CHST11: variants seen among roughly 807,000 people sequenced by gnomAD.
CHST11 encodes the protein carbohydrate sulfotransferase 11, also known as C4S-1.
A neutral mutation model predicts 30.4 loss-of-function variants in CHST11; 9 were observed. The ratio of observed to expected loss-of-function variants is 0.30; its 90% CI spans 0.18 to 0.52. The LOEUF (loss-of-function observed/expected upper bound fraction) is 0.52. CHST11 is among the 20% of genes least tolerant of loss of function. The pLI is 0.97. For synonymous variants in CHST11, 152 were observed against 187.8 expected (o/e 0.81, Z 1.56); for missense variants, 348 against 460.6 (o/e 0.76, Z 2.24).
intron 1 of CHST11, among the ~76,000 whole-genome samples, chr12:104,523,560 G>T (rs1012310395): frequency 9.2e-5 from 14 of 152,216 alleles, no homozygotes; most frequent in African/African-American, 3.4e-4. Context: ...CCTTCAGCAA[G>T]TCATTGAACC....
chr12:104,681,107 G>A (rs772323294), intron 2 of CHST11, among the ~76,000 whole-genome samples: 2 of 152,214 alleles, frequency 1.3e-5, no homozygotes, highest in Non-Finnish European at 2.9e-5. Context: ...TTACCAGCCT[G>A]TTGTGGAGTA....
chr12:104,682,035 G>A (rs835478), intron 2 of CHST11, among the ~76,000 whole-genome samples: 79,016 of 151,510 alleles, frequency 0.52, 22,007 homozygotes, highest in Non-Finnish European at 0.63. Flanking sequence ...GGGTTTCACC[G>A]TTTTAGCCAA....
At chr12:104,636,172 C>A (rs967390230) in intron 2 of CHST11, among the ~76,000 whole-genome samples, 1 of 152,140 alleles carries the variant, frequency 6.6e-6, no homozygotes, top group Non-Finnish European at 1.5e-5. Flanking sequence ...CAGATCAGAT[C>A]CAAGCATTGG....
At chr12:104,480,577 CA>C (rs58063092) in intron 1 of CHST11, among the ~76,000 whole-genome samples, 11,025 of 112,506 alleles carry the variant, frequency 0.098, 611 homozygotes, top group African/African-American at 0.22. Flanking sequence ...GATTCCATCT[CA>C]AAAAAAAAAA....
intron 1 of CHST11, among the ~76,000 whole-genome samples, chr12:104,548,189 C>T (rs180730699): frequency 1.3e-4 from 20 of 152,260 alleles, no homozygotes; most frequent in African/African-American, 3.1e-4. Flanking sequence ...ACCTAATGCA[C>T]GGTGGCACAC....
intron 1 of CHST11, among the ~76,000 whole-genome samples, chr12:104,574,872 AAAAG>A (rs2038666664): frequency 4.0e-5 from 6 of 151,744 alleles, no homozygotes; most frequent in Admixed American, 3.9e-4. Context: ...AAAAAAGAAA[AAAAG>A]AAAGAAAAAG....
chr12:104,513,005 C>G (rs2037981177), intron 1 of CHST11, among the ~76,000 whole-genome samples: 1 of 151,908 alleles, frequency 6.6e-6, no homozygotes, highest in African/African-American at 2.4e-5. Flanking sequence ...ACATGAGATG[C>G]TTAGCTAGGT....
At chr12:104,704,006 T>G (rs1336066842) in intron 2 of CHST11, among the ~76,000 whole-genome samples, 3 of 152,200 alleles carry the variant, frequency 2.0e-5, no homozygotes, top group Non-Finnish European at 4.4e-5. Context: ...TCGTAGCTGA[T>G]TCTCCTTTTG....
chr12:104,637,587 T>A (rs2039338021), intron 2 of CHST11, among the ~76,000 whole-genome samples: 1 of 152,192 alleles, frequency 6.6e-6, no homozygotes, highest in Admixed American at 6.5e-5. Flanking sequence ...TCCTTCCTGT[T>A]GCACTTAGAA....
chr12:104,508,521 T>C (rs1347654180), intron 1 of CHST11, among the ~76,000 whole-genome samples: 4 of 152,194 alleles, frequency 2.6e-5, no homozygotes, highest in Non-Finnish European at 5.9e-5. Context: ...GTGCATCATA[T>C]CCAATAACTG....
intron 2 of CHST11, among the ~76,000 whole-genome samples, chr12:104,701,790 G>A (rs1223516316): frequency 2.0e-5 from 3 of 152,214 alleles, no homozygotes; most frequent in Non-Finnish European, 4.4e-5. Context: ...GCCGGTCTGT[G>A]TGTTCAATTC....
intron 1 of CHST11, among the ~76,000 whole-genome samples, chr12:104,508,994 TA>T (rs1159597191): frequency 6.6e-6 from 1 of 151,900 alleles, no homozygotes; most frequent in Non-Finnish European, 1.5e-5. Context: ...CCAGAATGAC[TA>T]TAATCCTTCA....
At chr12:104,533,741 T>G (rs2038208373) in intron 1 of CHST11, among the ~76,000 whole-genome samples, 1 of 152,172 alleles carries the variant, frequency 6.6e-6, no homozygotes, top group South Asian at 2.1e-4. Flanking sequence ...TCGGGGACAG[T>G]GGAAACGTAG....
chr12:104,743,349 C>G (rs1222323545), intron 2 of CHST11, among the ~76,000 whole-genome samples: 1 of 152,186 alleles, frequency 6.6e-6, no homozygotes, highest in Non-Finnish European at 1.5e-5. Flanking sequence ...CCCAGGGACT[C>G]CCACAGTCTG....
At chr12:104,624,778 G>T (rs1428774924) in intron 2 of CHST11, among the ~76,000 whole-genome samples, 1 of 152,152 alleles carries the variant, frequency 6.6e-6, no homozygotes, top group East Asian at 1.9e-4. Context: ...ACAGACATTT[G>T]TTGACTCGGG....
intron 2 of CHST11, among the ~76,000 whole-genome samples, chr12:104,684,256 GTGGATGGATGGATGGATGGATGGATGGA>G (rs71069772): frequency 6.8e-6 from 1 of 147,928 alleles, no homozygotes; most frequent in Non-Finnish European, 1.5e-5. Context: ...GGTACAAAAT[GTGGATGGATGGATGGATGGATGGATGGA>G]TGGATGGATG....
intron 1 of CHST11, among the ~76,000 whole-genome samples, chr12:104,512,042 ATTTT>A (rs1184788200): frequency 6.6e-6 from 1 of 152,100 alleles, no homozygotes; most frequent in Non-Finnish European, 1.5e-5. Flanking sequence ...GTTCCACTGT[ATTTT>A]TTTATTTGTA....
Position 104,497,576 on chromosome 12 carries a change from A to T in CHST11, c.118+40047A>T, listed in dbSNP as rs536399981. Among the ~76,000 whole-genome samples the T allele has an allele frequency of 3.4e-4, 47 of 138,414 alleles. No homozygotes were observed. In the East Asian group the frequency reaches 6.4e-3, roughly 19 times the overall value. 90.8% of individuals were successfully genotyped at this position (138,414 alleles called of 152,430 possible). A position where few individuals can be genotyped will look rare whatever the true frequency, so the allele number is the denominator to read the frequency against. ...CTGATGCTTAAGTACCTCACGTATT[A>T]AAAAAAAATGTTTACATCCTGTTTT... is the stretch of plus-strand genomic sequence containing the variant. On this transcript the variant is annotated intron_variant, in intron 1 of 2. Transcript: ENST00000303694.
At chr12:104,639,968 A>G (rs1274515375) in intron 2 of CHST11, among the ~76,000 whole-genome samples, 1 of 152,266 alleles carries the variant, frequency 6.6e-6, no homozygotes, top group Non-Finnish European at 1.5e-5. Context: ...AAGTAAGCAT[A>G]AGAAAGGATG....
Sources: gnomAD v4.1 joint callset for allele counts (sites outside exome capture counted in the v4.1 genomes callset) on GRCh38, gnomAD v4.1.1 for gene constraint, MANE v1.5 for transcripts, NCBI Gene and HGNC (gene_info 2026-07-23, HGNC 2026-07-21) for gene names.